PTPRN2: variants seen among roughly 807,000 people sequenced by gnomAD.
PTPRN2 encodes the protein receptor-type tyrosine-protein phosphatase N2.
PTPRN2 carries 74 observed loss-of-function variants against 118.8 expected under a neutral mutation model. The ratio of observed to expected loss-of-function variants is 0.62; its 90% CI spans 0.52 to 0.76. PTPRN2 has a LOEUF of 0.76. Among genes scored for constraint, PTPRN2 ranks in the 30% least tolerant of loss-of-function variants. The pLI is 0.00. For missense variants in PTPRN2, 1,481 were observed against 1,394.4 expected (o/e 1.06, Z -0.99); for synonymous variants, 641 against 608.0 (o/e 1.05, Z -0.80).
chr7:158,422,920 T>C (rs1815381380), intron 2 of PTPRN2, among the ~76,000 whole-genome samples: 1 of 152,212 alleles, frequency 6.6e-6, no homozygotes, highest in Non-Finnish European at 1.5e-5. Context: ...AAAGAAAGGC[T>C]TCAAAGCCAC....
At chr7:158,311,075 C>A (rs576532949) in intron 3 of PTPRN2, among the ~76,000 whole-genome samples, 17 of 152,274 alleles carry the variant, frequency 1.1e-4, no homozygotes, top group African/African-American at 4.1e-4. Context: ...GGAGGTAAAA[C>A]AAGACAGGCG....
chr7:158,456,970 C>T (rs569689929), intron 2 of PTPRN2, among the ~76,000 whole-genome samples: 2 of 152,258 alleles, frequency 1.3e-5, no homozygotes, highest in East Asian at 3.9e-4. Context: ...CAGTATCACA[C>T]CAGCAACATT....
intron 3 of PTPRN2, among the ~76,000 whole-genome samples, chr7:158,249,175 GCA>G (rs1327721665): frequency 1.3e-5 from 2 of 150,820 alleles, no homozygotes; most frequent in South Asian, 2.1e-4. Flanking sequence ...CGTGCACACA[GCA>G]CACACACGAA....
At chr7:157,887,968 C>A (rs920478716) in intron 12 of PTPRN2, among the ~76,000 whole-genome samples, 3 of 150,602 alleles carry the variant, frequency 2.0e-5, no homozygotes, top group African/African-American at 7.4e-5. Context: ...GCACCACCGC[C>A]CCCTGCCTCC....
intron 12 of PTPRN2, among the ~76,000 whole-genome samples, chr7:157,837,946 C>T (rs572930887): frequency 3.3e-5 from 5 of 152,332 alleles, no homozygotes; most frequent in East Asian, 1.9e-4. Flanking sequence ...GTGGCTACTC[C>T]AGTTCCTCTC....
At chr7:158,299,697 G>C (rs1184181769) in intron 3 of PTPRN2, among the ~76,000 whole-genome samples, 1 of 152,168 alleles carries the variant, frequency 6.6e-6, no homozygotes, top group Non-Finnish European at 1.5e-5. Flanking sequence ...GTTTTCAGCA[G>C]ACATGGATTC....
intron 2 of PTPRN2, among the ~76,000 whole-genome samples, chr7:158,415,356 G>A (rs1482705383): frequency 6.6e-6 from 1 of 152,172 alleles, no homozygotes; most frequent in Non-Finnish European, 1.5e-5. Flanking sequence ...CAGCCTTGCT[G>A]CCTGGGTTTG....
intron 12 of PTPRN2, among the ~76,000 whole-genome samples, chr7:157,878,403 G>T (rs1248023380): frequency 4.7e-5 from 7 of 147,986 alleles, no homozygotes; most frequent in African/African-American, 1.5e-4. Context: ...CCGTGGGGCT[G>T]GAAGGGTCAG....
intron 12 of PTPRN2, among the ~76,000 whole-genome samples, chr7:157,717,339 C>T (rs1015140418): frequency 3.3e-5 from 5 of 152,212 alleles, no homozygotes; most frequent in African/African-American, 7.2e-5. Context: ...CTGATGGTGC[C>T]GTGGGAGCCA....
intron 11 of PTPRN2, among the ~76,000 whole-genome samples, chr7:157,930,322 C>A (rs558582598): frequency 1.2e-4 from 18 of 152,320 alleles, no homozygotes; most frequent in African/African-American, 4.3e-4. Context: ...TATTTTATCA[C>A]AAACGTTGCA....
chr7:158,152,687 C>T (rs1821310799), intron 6 of PTPRN2, among the ~76,000 whole-genome samples: 1 of 152,250 alleles, frequency 6.6e-6, no homozygotes, highest in Admixed American at 6.5e-5. Flanking sequence ...GCCCCTACCA[C>T]ACTCCCATCC....
intron 1 of PTPRN2, among the ~76,000 whole-genome samples, chr7:158,579,690 C>G (rs1460815056): frequency 6.6e-6 from 1 of 152,208 alleles, no homozygotes; most frequent in East Asian, 1.9e-4. Flanking sequence ...CTATTCCCTA[C>G]CATATTTGCA....
chr7:158,251,032 C>T (rs1406632343), intron 3 of PTPRN2, among the ~76,000 whole-genome samples: 2 of 151,728 alleles, frequency 1.3e-5, no homozygotes, highest in East Asian at 1.9e-4. Flanking sequence ...GTGGAAATCA[C>T]ATAAAGTAGA....
At chr7:157,626,658 A>AT (rs1000033634) in intron 14 of PTPRN2, among the ~76,000 whole-genome samples, 21 of 152,130 alleles carry the variant, frequency 1.4e-4, no homozygotes, top group Non-Finnish European at 1.5e-4. Context: ...CATGAGATTA[A>AT]TTTTTTTAGG....
rs573695540 is a variant in PTPRN2, at chr7:158,522,413, C to G, written c.113-32628G>C. Among the ~76,000 whole-genome samples the G allele has an allele frequency of 4.6e-3, 672 of 145,270 alleles. 55 individuals carry two copies. The highest frequency in any genetic ancestry group is 0.014 in the Middle Eastern group (4 of 282). On this transcript the variant is annotated intron_variant, in intron 1 of 22. Transcript: ENST00000389418. ...GTCACAATGGTGGACTGTCCAGGTG[C>G]TGGCTCAGGGGGAAGGTCCACATCG...
At chr7:157,848,995 G>A (rs760341093) in intron 12 of PTPRN2, among the ~76,000 whole-genome samples, 3 of 152,176 alleles carry the variant, frequency 2.0e-5, no homozygotes, top group Non-Finnish European at 4.4e-5. Context: ...ACTGGCTCTG[G>A]TCCTGATCCA....
chr7:158,067,715 G>C (rs908990721), intron 11 of PTPRN2, among the ~76,000 whole-genome samples: 1 of 152,108 alleles, frequency 6.6e-6, no homozygotes. Flanking sequence ...GCGAGTGACA[G>C]AGTGAGTGAG....
intron 11 of PTPRN2, among the ~76,000 whole-genome samples, chr7:157,998,127 G>T (rs1489486723): frequency 3.3e-5 from 5 of 150,650 alleles, no homozygotes; most frequent in Admixed American, 6.6e-5. Flanking sequence ...GTGTGGGGCT[G>T]GGGGAGAGGA....
At chr7:157,783,305 T>TA (rs1367307645) in intron 12 of PTPRN2, among the ~76,000 whole-genome samples, 1 of 151,878 alleles carries the variant, frequency 6.6e-6, no homozygotes, top group Non-Finnish European at 1.5e-5. Context: ...CGTGGCCTGT[T>TA]ACTCACGTTC....
Sources: gnomAD v4.1 joint callset for allele counts (sites outside exome capture counted in the v4.1 genomes callset) on GRCh38, gnomAD v4.1.1 for gene constraint, MANE v1.5 for transcripts, NCBI Gene and HGNC (gene_info 2026-07-23, HGNC 2026-07-21) for gene names.